Variants in KCNIP4 observed in about 807,000 individuals in gnomAD.
The protein encoded by KCNIP4 is Kv channel-interacting protein 4.
Under a neutral mutation model 34.0 loss-of-function variants are expected in KCNIP4, and 12 were observed. The ratio of observed to expected loss-of-function variants is 0.35; its 90% confidence interval spans 0.23 to 0.57. The LOEUF is 0.57. Ranked by LOEUF, KCNIP4 falls within the 20% of genes least tolerant of loss-of-function variation. The pLI, the probability that KCNIP4 is intolerant of heterozygous loss-of-function variation, is 0.83. For missense variants in KCNIP4, 238 were observed against 311.7 expected, an observed-to-expected ratio of 0.76 and a Z score of 1.78; for synonymous variants, 124 against 102.2, an observed-to-expected ratio of 1.21 and a Z score of -1.29.
intron 1 of KCNIP4, among the ~76,000 whole-genome samples, chr4:20,958,171 G>A (rs1460397733): frequency 6.6e-6 from 1 of 152,178 alleles, no homozygotes; most frequent in African/African-American, 2.4e-5. Context: ...TTATAGAAAG[G>A]ACTCCTGTGA....
At chr4:21,368,848 T>C (rs1396298557) in intron 1 of KCNIP4, among the ~76,000 whole-genome samples, 1 of 147,760 alleles carries the variant, frequency 6.8e-6, no homozygotes, top group East Asian at 2.0e-4. Context: ...GCACAACCTA[T>C]GTATGTTCTG....
At chr4:21,519,740 G>GT (rs556963421) in intron 1 of KCNIP4, among the ~76,000 whole-genome samples, 19 of 110,236 alleles carry the variant, frequency 1.7e-4, no homozygotes, top group African/African-American at 5.9e-4. Context: ...GTATATGTAT[G>GT]ATACACACGT....
In KCNIP4 at chr4:21,367,688, A is replaced by T. The variant is rs1387930317; in HGVS notation, c.62-484979T>A. On this transcript the variant is annotated intron_variant, in intron 1 of 8. Coordinates refer to ENST00000382152, the MANE Select transcript of KCNIP4 (RefSeq NM_025221.6). Reference sequence around the variant, plus strand: ...AATCCTGATGGAAAATCATGGCTCCATGGGGGAGTTTGCTCTGGTGGAAAT... The same window carrying T: ...AATCCTGATGGAAAATCATGGCTCCTTGGGGGAGTTTGCTCTGGTGGAAAT... 1.4e-5 allele frequency among the ~76,000 whole-genome samples: 2 copies of T among 147,612 alleles called. 1 individual carries two copies. The highest frequency in any genetic ancestry group is 5.4e-5 in the African/African-American group (2 of 37,228).
intron 2 of KCNIP4, among the ~76,000 whole-genome samples, chr4:20,852,238 A>G (rs12500402): frequency 0.35 from 53,117 of 151,952 alleles, 10,329 homozygotes; most frequent in Admixed American, 0.46. Flanking sequence ...CAAAATACTC[A>G]CTAGCTGAAT....
chr4:21,589,316 G>GTGTATATA (rs1741971130), intron 1 of KCNIP4, among the ~76,000 whole-genome samples: 1 of 135,100 alleles, frequency 7.4e-6, no homozygotes, highest in Admixed American at 7.3e-5. Flanking sequence ...ATATATACAT[G>GTGTATATA]TACATATACA....
chr4:21,096,103 A>G (rs926943303), intron 1 of KCNIP4, among the ~76,000 whole-genome samples: 1 of 152,182 alleles, frequency 6.6e-6, no homozygotes, highest in Non-Finnish European at 1.5e-5. Context: ...AAAATGCCCA[A>G]GGGAATGCTG....
intron 1 of KCNIP4, among the ~76,000 whole-genome samples, chr4:21,440,295 A>G (rs1377355410): frequency 6.6e-6 from 1 of 152,226 alleles, no homozygotes; most frequent in Non-Finnish European, 1.5e-5. Context: ...CACTGTAATG[A>G]GAATAACCTT....
chr4:21,275,255 G>A (rs139249989), intron 1 of KCNIP4, among the ~76,000 whole-genome samples: 26 of 152,242 alleles, frequency 1.7e-4, no homozygotes, highest in Non-Finnish European at 3.5e-4. Flanking sequence ...CAAAACCCAG[G>A]TCTCCTGACT....
intron 1 of KCNIP4, among the ~76,000 whole-genome samples, chr4:21,511,771 G>A (rs416558): frequency 0.014 from 2,165 of 152,166 alleles, 56 homozygotes; most frequent in African/African-American, 0.049. Context: ...GCCCCTTAGA[G>A]TCCCGTGATA....
chr4:21,108,520 T>C (rs573021649), intron 1 of KCNIP4, among the ~76,000 whole-genome samples: 1 of 151,616 alleles, frequency 6.6e-6, no homozygotes, highest in Non-Finnish European at 1.5e-5. Flanking sequence ...TCAAAGTTTT[T>C]AACTTCTTTG....
chr4:21,510,980 G>T (rs1370842279), intron 1 of KCNIP4, among the ~76,000 whole-genome samples: 1 of 152,166 alleles, frequency 6.6e-6, no homozygotes, highest in Non-Finnish European at 1.5e-5. Flanking sequence ...GGAGGCAGAG[G>T]TTGTAGCGAG....
chr4:21,766,659 G>A (rs1457159977), intron 1 of KCNIP4, among the ~76,000 whole-genome samples: 1 of 152,076 alleles, frequency 6.6e-6, no homozygotes, highest in Non-Finnish European at 1.5e-5. Context: ...CATAAGGTAG[G>A]TAAAATAAAG....
chr4:21,868,978 A>C (rs1725596714), intron 1 of KCNIP4, among the ~76,000 whole-genome samples: 1 of 152,218 alleles, frequency 6.6e-6, no homozygotes, highest in Non-Finnish European at 1.5e-5. Flanking sequence ...TAGAAGTTCC[A>C]AAATAAGCCT....
intron 1 of KCNIP4, among the ~76,000 whole-genome samples, chr4:21,131,670 A>G (rs1397220372): frequency 1.3e-5 from 2 of 152,196 alleles, no homozygotes; most frequent in East Asian, 3.9e-4. Context: ...ATTGGAAGGA[A>G]GCACAAGGGT....
At chr4:21,873,929 A>G (rs575415551) in intron 1 of KCNIP4, among the ~76,000 whole-genome samples, 88 of 152,332 alleles carry the variant, frequency 5.8e-4, no homozygotes, top group African/African-American at 2.1e-3. Flanking sequence ...TTGTCAGGCT[A>G]GCTGAAATTC....
rs573336279 is a variant in KCNIP4, at chr4:20,753,614, C to T, written c.359-3882G>A. 3.3e-5 allele frequency among the ~76,000 whole-genome samples: 5 copies of T among 152,150 alleles called. No individual in the cohort carries two copies. The South Asian group carries it at 8.3e-4, about 25-fold the overall frequency. The stretch of plus-strand genomic sequence containing the variant: ...CCCCTACTCCCATTGAATTCAAGCA[C>T]GAGGAATAGAATCACCTTCATGTAT... On this transcript the variant is annotated intron_variant, in intron 4 of 8. Transcript: ENST00000382152.
intron 1 of KCNIP4, among the ~76,000 whole-genome samples, chr4:21,122,938 C>T (rs976836283): frequency 1.1e-4 from 16 of 152,094 alleles, no homozygotes; most frequent in Admixed American, 3.9e-4. Flanking sequence ...TGGCTGGGCA[C>T]GGTGGCTCAT....
At chr4:21,733,631 T>C (rs7438259) in intron 1 of KCNIP4, among the ~76,000 whole-genome samples, 18,164 of 152,156 alleles carry the variant, frequency 0.12, 3,706 homozygotes, top group African/African-American at 0.41. Context: ...TGTGGAATGA[T>C]GTTTTTGAAT....
intron 1 of KCNIP4, among the ~76,000 whole-genome samples, chr4:21,620,238 C>T (rs1319457553): frequency 6.6e-6 from 1 of 152,156 alleles, no homozygotes; most frequent in African/African-American, 2.4e-5. Context: ...CGTGGTGGCT[C>T]ATGCCTGTAA....
Sources: gnomAD v4.1 joint callset for allele counts (sites outside exome capture counted in the v4.1 genomes callset) on GRCh38, gnomAD v4.1.1 for gene constraint, MANE v1.5 for transcripts, NCBI Gene and HGNC (gene_info 2026-07-23, HGNC 2026-07-21) for gene names.